The following FN1 variants were observed in gnomAD, a reference collection of about 807,000 sequenced individuals.
The protein encoded by FN1 is fibronectin 1.
Under a neutral mutation model 297.3 loss-of-function variants are expected in FN1, and 106 were observed. The ratio of observed to expected loss-of-function variants is 0.36; its 90% CI spans 0.30 to 0.42. The LOEUF (loss-of-function observed/expected upper bound fraction) is 0.42, where lower values mean the gene tolerates loss of function less well. Ranked by LOEUF, FN1 falls within the 10% of genes least tolerant of loss-of-function variation. The pLI, the probability that FN1 is intolerant of heterozygous loss-of-function variation, is 1.00. For synonymous variants in FN1, 1,149 were observed against 1,152.6 expected, an observed-to-expected ratio of 1.00 and a Z score of 0.06; for missense variants, 2,690 against 3,124.9, an observed-to-expected ratio of 0.86 and a Z score of 3.32.
chr2:215,372,106 C>T lies in FN1; in HGVS notation c.6517G>A (p.Glu2173Lys). 1 of 1,614,214 alleles carries T rather than the reference C, an allele frequency of 6.2e-7. No homozygotes were observed. Among genetic ancestry groups the T allele is most frequent in the Non-Finnish European group, 8.5e-7 (1 of 1,180,024 alleles). ...RPRPYPPNVG[E>K]EIQIGHIPRE... ...GGGATGTGACCAATTTGGATTTCCTCACCTACATTCGGCGGGTATGGTCTT... is the reference window on the plus strand; with the variant it reads ...GGGATGTGACCAATTTGGATTTCCTTACCTACATTCGGCGGGTATGGTCTT... The change falls in exon 40 of 46, where the codon GAG becomes AAG. Residue 2173 changes from glutamate to lysine, a missense_variant. Glu to Lys is a moderately conservative substitution (Grantham distance 56). Transcript: ENST00000354785.
chr2:215,374,509 GT>G (rs753169432), intron 38 of FN1, among the ~76,000 whole-genome samples: 1 of 152,196 alleles, frequency 6.6e-6, no homozygotes. Context: ...GTATCTGGAA[GT>G]TCCTCCTGTG....
chr2:215,405,546 C>A (rs1245256381), intron 19 of FN1, among the ~76,000 whole-genome samples: 2 of 152,086 alleles, frequency 1.3e-5, no homozygotes, highest in Non-Finnish European at 2.9e-5. Context: ...GAGTTTCAGA[C>A]CAGCTTGGCC....
At chr2:215,407,630 CTT>C (rs1048266185) in intron 17 of FN1, among the ~76,000 whole-genome samples, 4 of 152,136 alleles carry the variant, frequency 2.6e-5, no homozygotes, top group African/African-American at 9.7e-5. Context: ...GATTTTTCCT[CTT>C]TGAGCTCCAG....
At chr2:215,423,562 T>C in intron 8 of FN1, 36 bp from the exon 9 acceptor site, 2 of 1,600,868 alleles carry the variant, frequency 1.2e-6, no homozygotes, top group Non-Finnish European at 1.7e-6. Flanking sequence ...AAGGAAAAGA[T>C]TACCGCTGAG....
rs992341534 is a variant in FN1, at chr2:215,383,558, G to A, written c.4895-75C>T. ...AAGATTGGACAAGTCCTCCTCTCTA[G>A]GTCTGGTACATATTCGAATGATCGC... On this transcript the variant is annotated intron_variant, in intron 30 of 45. Coordinates refer to ENST00000354785, the MANE Select transcript of FN1 (RefSeq NM_212482.4). 7.6e-6 allele frequency: 11 copies of A among 1,439,276 alleles called. No individual in the cohort carries two copies. The African/African-American group carries it at 1.3e-4, about 16-fold the overall frequency. 89.2% of individuals were successfully genotyped at this position (1,439,276 alleles called of 1,614,324 possible). A position where few individuals can be genotyped will look rare whatever the true frequency, so the allele number is the denominator to read the frequency against.
intron 6 of FN1, among the ~76,000 whole-genome samples, chr2:215,427,809 T>TTA (rs2065755509): frequency 6.6e-6 from 1 of 152,186 alleles, no homozygotes; most frequent in South Asian, 2.1e-4. Flanking sequence ...ATATAATTAA[T>TTA]TATAACTCTC....
Position 215,423,544 on chromosome 2 carries a change from C to G in FN1, c.1217-18G>C. ...AACCAAAACTGCCAGGAACAATACA[C>G]AACAAAGAAGGAAAAGATTACCGCT... is the stretch of plus-strand genomic sequence containing the variant. On this transcript the variant is annotated intron_variant, in intron 8 of 45. Coordinates refer to ENST00000354785, the MANE Select transcript of FN1 (RefSeq NM_212482.4). The G allele has an allele frequency of 1.2e-6, 2 of 1,612,780 alleles. No homozygotes were observed. Among genetic ancestry groups the G allele is most frequent in the Non-Finnish European group, 1.7e-6 (2 of 1,179,014 alleles).
In FN1 at chr2:215,365,749, G is replaced by A. The variant is rs1264581018; in HGVS notation, c.7019-119C>T. The A allele has an allele frequency of 1.1e-5, 9 of 834,512 alleles. No homozygotes were observed. The Admixed American group carries it at 2.1e-4, about 19-fold the overall frequency. The allele number at this position is 834,512 out of a possible 1,614,324, so 51.7% of individuals were successfully genotyped here. On this transcript the variant is annotated intron_variant, in intron 42 of 45. Coordinates refer to ENST00000354785, the MANE Select transcript of FN1 (RefSeq NM_212482.4). ...GAACCATGATCTGGAAAAATAGCAA[G>A]TTAAAGATAAAAACCCCTATAATGG...
At position 215,436,060 on chromosome 2, in the gene FN1, G is replaced by T; in HGVS notation, c.-258C>A. On this transcript the variant is annotated 5_prime_UTR_variant, in exon 1 of 46. Coordinates refer to ENST00000354785, the MANE Select transcript of FN1 (RefSeq NM_212482.4). Reference sequence around the variant, plus strand: ...TCTCCTCCCCCTGTGCAGCACAGCCGGCGCGGGCGTCCGAGCGCCGGGAGC... The same window carrying T: ...TCTCCTCCCCCTGTGCAGCACAGCCTGCGCGGGCGTCCGAGCGCCGGGAGC... 1.6e-6 allele frequency: 1 copy of T among 618,034 alleles called. No individual in the cohort carries two copies. The highest frequency in any genetic ancestry group is 2.5e-6 in the Non-Finnish European group (1 of 406,136). 38.3% of individuals were successfully genotyped at this position (618,034 alleles called of 1,614,324 possible).
chr2:215,397,026 T>G, intron 23 of FN1, 111 bp downstream of exon 23: 2 of 808,940 alleles, frequency 2.5e-6, no homozygotes, highest in South Asian at 2.7e-5. Context: ...TATGGAGAGC[T>G]AAGCATTTGT....
Position 215,406,366 on chromosome 2 carries a change from C to T in FN1, c.2858G>A (p.Arg953Lys), listed in dbSNP as rs1166664901. 1.2e-6 allele frequency: 2 copies of T among 1,614,224 alleles called. No homozygotes were observed. Among genetic ancestry groups the T allele is most frequent in the African/African-American group, 1.3e-5 (1 of 75,072 alleles). ...PVNLPGEHGQ[R>K]LPISRNTFAE... ...AAAGGTGTTCCTGCTGATGGGCAGC[C>T]TCTGCCCGTGCTCGCCAGGCAGGTT... The change falls in exon 19 of 46, where the codon AGG becomes AAG. Residue 953 changes from arginine to lysine, a missense_variant. By Grantham distance (26) the Arg-to-Lys change is conservative. Coordinates refer to ENST00000354785, the MANE Select transcript of FN1 (RefSeq NM_212482.4).
chr2:215,388,397 T>C (rs972250664), intron 26 of FN1, 96 bp from the exon 27 acceptor site: 3 of 873,280 alleles, frequency 3.4e-6, no homozygotes, highest in Non-Finnish European at 5.8e-6. Context: ...AATATCCAAA[T>C]GTCCAGTCCT....
chr2:215,433,960 G>T (rs1199119818), intron 2 of FN1, among the ~76,000 whole-genome samples: 1 of 152,198 alleles, frequency 6.6e-6, no homozygotes, highest in Admixed American at 6.5e-5. Flanking sequence ...AAATTAGCTG[G>T]GTGTGGTGGC....
At chr2:215,380,590 G>A in intron 33 of FN1, 1 of 610,750 alleles carries the variant, frequency 1.6e-6, no homozygotes, top group Non-Finnish European at 2.9e-6. Flanking sequence ...ATGGTCTTGT[G>A]TATAAGCCAG....
intron 6 of FN1, among the ~76,000 whole-genome samples, chr2:215,427,424 C>T (rs1046926166): frequency 2.0e-5 from 3 of 152,112 alleles, no homozygotes; most frequent in African/African-American, 4.8e-5. Context: ...GAGGAGTGCA[C>T]GTCCTTGTTG....
chr2:215,374,254 T>A (rs1477098965), intron 38 of FN1, among the ~76,000 whole-genome samples: 3 of 152,180 alleles, frequency 2.0e-5, no homozygotes, highest in Non-Finnish European at 4.4e-5. Context: ...CTGCTTCTAT[T>A]TTCCTGTTCC....
At chr2:215,393,541 G>A (rs1468830788) in intron 24 of FN1, 1 of 153,150 alleles carries the variant, frequency 6.5e-6, no homozygotes, top group Non-Finnish European at 1.5e-5. Context: ...ACCATTCTTA[G>A]AGCCTAGACA....
chr2:215,429,718 A>C (rs1363094304), intron 5 of FN1, among the ~76,000 whole-genome samples: 3 of 152,194 alleles, frequency 2.0e-5, no homozygotes, highest in African/African-American at 4.8e-5. Context: ...TGACCCCCTA[A>C]GTACTCTTTG....
rs1221353152 is a variant in FN1, at chr2:215,406,301, A to G, written c.2923T>C (p.Phe975Leu). Reference protein sequence around the residue: ...TGLSPGVTYYFKVFAVSHGRE... With the variant: ...TGLSPGVTYYLKVFAVSHGRE... ...CCATGGCTCACTGCAAAGACTTTGA[A>G]GTAATAGGTGACCCCAGGGGACAGC... The change falls in exon 19 of 46, where the codon TTC becomes CTC. Residue 975 changes from phenylalanine (F) to leucine (L), a missense_variant. Phe to Leu is a conservative substitution (Grantham distance 22, BLOSUM62 0). Around this residue, in one of 3 missense-constraint regions of FN1, gnomAD observed 1,743 missense variants for 1,945.2 expected, o/e 0.90. Coordinates refer to ENST00000354785, the MANE Select transcript of FN1 (RefSeq NM_212482.4). 2 of 1,614,192 alleles carry G rather than the reference A, an allele frequency of 1.2e-6. No individual in the cohort carries two copies. Among genetic ancestry groups the G allele is most frequent in the Non-Finnish European group, 1.7e-6 (2 of 1,180,036 alleles).
Sources: allele counts gnomAD v4.1 joint callset (sites outside exome capture counted in the v4.1 genomes callset), GRCh38; gene constraint gnomAD v4.1.1; regional missense constraint gnomAD v4.1.1; transcripts MANE v1.5; gene names NCBI Gene and HGNC (gene_info 2026-07-23, HGNC 2026-07-21).